Variants in SEC14L4 observed in about 807,000 individuals in gnomAD.
The protein encoded by SEC14L4 is SEC14 like lipid binding 4, also known as SEC14-like protein 4.
A neutral mutation model predicts 55.1 loss-of-function variants in SEC14L4; 42 were observed. The ratio of observed to expected loss-of-function variants is 0.76; its 90% confidence interval spans 0.60 to 0.99. The LOEUF (loss-of-function observed/expected upper bound fraction) is 0.99, where lower values mean the gene tolerates loss of function less well. Among genes scored for constraint, SEC14L4 ranks in the 50% least tolerant of loss-of-function variants. SEC14L4 has a pLI of 0.00. For synonymous variants in SEC14L4, 206 were observed against 206.8 expected (o/e 1.00, Z 0.03); for missense variants, 445 against 512.1 (o/e 0.87, Z 1.27).
rs1936086903 is a variant in SEC14L4 at position 30,494,887 on chromosome 22, T to A, written c.498A>T (p.Pro166=). 6.2e-7 allele frequency: 1 copy of A among 1,613,470 alleles called. No homozygotes were observed. Among genetic ancestry groups the A allele is most frequent in the African/African-American group, 1.3e-5 (1 of 74,858 alleles). Residue 166 remains proline, a synonymous_variant, in exon 6 of 12, where the codon CCA becomes CCT. Coordinates refer to ENST00000255858, the MANE Select transcript of SEC14L4 (RefSeq NM_174977.4). ...EGLSLKHLWK[P]AVEVYQQFFS... Reference sequence around the variant, plus strand: ...TTACCTGCTGGTAGACCTCCACAGCTGGCTTCCACAGGTGTTTCAGGCTCA... The same window carrying A: ...TTACCTGCTGGTAGACCTCCACAGCAGGCTTCCACAGGTGTTTCAGGCTCA...
chr22:30,494,241 TCTGTTC>T, intron 6 of SEC14L4, 31 bp from the exon 7 acceptor site: 1 of 1,577,122 alleles, frequency 6.3e-7, no homozygotes, highest in South Asian at 1.1e-5. Flanking sequence ...TGGTTGGGGC[TCTGTTC>T]CATCACCTCC....
At chr22:30,493,230 G>C (rs1936026729) in intron 7 of SEC14L4, among the ~76,000 whole-genome samples, 1 of 152,168 alleles carries the variant, frequency 6.6e-6, no homozygotes, top group Non-Finnish European at 1.5e-5. Context: ...ACTCCAGGTT[G>C]TCTGGAATCT....
At chr22:30,497,823 A>G (rs1391998155) in intron 2 of SEC14L4, among the ~76,000 whole-genome samples, 2 of 152,182 alleles carry the variant, frequency 1.3e-5, no homozygotes, top group African/African-American at 4.8e-5. Context: ...ATTCTGTCAA[A>G]GAGAACGTTC....
chr22:30,503,547 G>C, intron 2 of SEC14L4, 130 bp downstream of exon 2: 1 of 521,966 alleles, frequency 1.9e-6, no homozygotes, highest in Non-Finnish European at 3.4e-6. Flanking sequence ...ACAGGTGTGA[G>C]CCACCGGGCC....
rs1044434796 is a variant in SEC14L4, at chr22:30,502,590, G to A, written c.130+1087C>T. 3.3e-5 allele frequency among the ~76,000 whole-genome samples: 5 copies of A among 152,078 alleles called. 1 individual carries two copies. The highest frequency in any genetic ancestry group is 2.1e-4 in the South Asian group (1 of 4,822). ...TTTTGAGATGGGGTTTCACTCTGTC[G>A]CCTAGGCTGGAGTGCAGTGGTACAA... On this transcript the variant is annotated intron_variant, in intron 2 of 11. Coordinates refer to ENST00000255858, the MANE Select transcript of SEC14L4 (RefSeq NM_174977.4).
In SEC14L4 at chr22:30,492,049, C is replaced by T; in HGVS notation, c.771G>A (p.Lys257=). Residue 257 remains lysine, a splice_region_variant and synonymous_variant, in exon 9 of 12, where the codon AAG becomes AAA. Coordinates refer to ENST00000255858, the MANE Select transcript of SEC14L4 (RefSeq NM_174977.4). ...DPDGNPKCLT[K]INYGGEVPKS... is the part of the protein sequence containing the mutation. ...TCCCCATCCTCTGGGCACCCTGTAC[C>T]TTGGTCAGGCACTTGGGGTTGCCAT... 4 of 1,613,788 alleles carry T rather than the reference C, an allele frequency of 2.5e-6. No homozygotes were observed. Among genetic ancestry groups the T allele is most frequent in the Non-Finnish European group, 3.4e-6 (4 of 1,179,804 alleles).
chr22:30,494,733 T>G, intron 6 of SEC14L4, 133 bp downstream of exon 6: 1 of 639,682 alleles, frequency 1.6e-6, no homozygotes, highest in Non-Finnish European at 2.8e-6. Flanking sequence ...GCCAGCATCA[T>G]TGGCTGGTCT....
In SEC14L4 at chr22:30,491,963, C is replaced by T. The variant is rs773754494; in HGVS notation, c.782G>A (p.Gly261Glu). Residue 261 changes from glycine to glutamate, a missense_variant, in exon 10 of 12, where the codon GGG (glycine) becomes GAG (glutamate). Gly to Glu is a moderately conservative substitution (Grantham distance 98). Transcript: ENST00000255858. ...GTAGTAGCTCTTGGGCACCTCACCCCCATAGTTGATCTGTGGGTGAAGGGG... is the reference window on the plus strand; with the variant it reads ...GTAGTAGCTCTTGGGCACCTCACCCTCATAGTTGATCTGTGGGTGAAGGGG... ...NPKCLTKINY[G>E]GEVPKSYYLC... 1.2e-6 allele frequency: 2 copies of T among 1,614,014 alleles called. No homozygotes were observed. The highest frequency in any genetic ancestry group is 3.3e-5 in the Admixed American group (2 of 60,014).
chr22:30,492,087 T>C lies in SEC14L4; in HGVS notation c.733A>G (p.Met245Val), dbSNP rs1373858274. 4.3e-6 allele frequency: 7 copies of C among 1,613,894 alleles called. No individual in the cohort carries two copies. Among genetic ancestry groups the C allele is most frequent in the Non-Finnish European group, 5.1e-6 (6 of 1,179,856 alleles). ...TTGGGGTTGCCATCGGGGTCAGTCA[T>C]GGTCCCCCCAAACTCCACAGGCAGC... Reference protein sequence around the residue: ...DQLPVEFGGTMTDPDGNPKCL... With the variant: ...DQLPVEFGGTVTDPDGNPKCL... The change falls in exon 9 of 12, where the codon ATG (methionine) becomes GTG (valine). Residue 245 changes from methionine to valine, a missense_variant. Met to Val is a conservative substitution (Grantham distance 21). Coordinates refer to ENST00000255858, the MANE Select transcript of SEC14L4 (RefSeq NM_174977.4).
Position 30,489,816 on chromosome 22 carries a change from C to A in SEC14L4, c.*291G>T. On this transcript the variant is annotated 3_prime_UTR_variant, in exon 12 of 12. Coordinates refer to ENST00000255858, the MANE Select transcript of SEC14L4 (RefSeq NM_174977.4). The stretch of plus-strand genomic sequence containing the variant: ...AAGATGGGTGAAAGGGCAGCTTCTG[C>A]AAGCAGGACCCATCCTCAGTGGACT... 2 of 1,522,556 alleles carry A rather than the reference C, an allele frequency of 1.3e-6. No individual in the cohort carries two copies. The highest frequency in any genetic ancestry group is 1.8e-6 in the Non-Finnish European group (2 of 1,120,422). The allele number at this position is 1,522,556 out of a possible 1,614,324, so 94.3% of individuals were successfully genotyped here.
intron 1 of SEC14L4, among the ~76,000 whole-genome samples, chr22:30,504,552 G>A (rs951932321): frequency 3.9e-5 from 6 of 152,190 alleles, no homozygotes; most frequent in East Asian, 1.9e-4. Context: ...GTCTGTGCAC[G>A]TAAAACACTT....
At chr22:30,501,878 T>TAC (rs1555877965) in intron 2 of SEC14L4, among the ~76,000 whole-genome samples, 2 of 139,676 alleles carry the variant, frequency 1.4e-5, no homozygotes, top group African/African-American at 2.6e-5. Context: ...TATATATACA[T>TAC]ACACATACTT....
chr22:30,490,215 C>A lies in SEC14L4; in HGVS notation c.1113G>T (p.Arg371=), dbSNP rs895516439. The A allele has an allele frequency of 3.7e-6, 6 of 1,613,932 alleles. No homozygotes were observed. In the East Asian group the frequency reaches 6.7e-5, roughly 18 times the overall value. ...TGTAGCTGAGCTTCTTGGCATGCAT[C>A]CGGCTGTAGGTGTTGTCGAAGCGCA... is the stretch of plus-strand genomic sequence containing the variant. ...YVLRFDNTYS[R]MHAKKLSYTV... is the part of the protein sequence containing the mutation. Residue 371 remains arginine, a synonymous_variant, in exon 12 of 12, where the codon CGG becomes CGT. Transcript: ENST00000255858.
intron 2 of SEC14L4, among the ~76,000 whole-genome samples, chr22:30,498,272 A>C (rs1326437298): frequency 1.3e-5 from 2 of 151,480 alleles, no homozygotes; most frequent in Non-Finnish European, 2.9e-5. Context: ...ACAGGCATGC[A>C]CCGCCATGCC....
intron 2 of SEC14L4, among the ~76,000 whole-genome samples, chr22:30,500,912 G>C (rs1936300011): frequency 6.6e-6 from 1 of 151,198 alleles, no homozygotes; most frequent in African/African-American, 2.4e-5. Flanking sequence ...AAAAACAGAG[G>C]GGGTCAGGCA....
At position 30,495,446 on chromosome 22, in the gene SEC14L4, G is replaced by C. The variant is rs773805590; in HGVS notation, c.235-4C>G. ...CCGAGTCATACAGCTGGATGACCTG[G>C]AAGTGTGGGTAAGGTCCCGACTCAA... is the stretch of plus-strand genomic sequence containing the variant. On this transcript the variant is annotated splice_polypyrimidine_tract_variant and splice_region_variant and intron_variant, in intron 4 of 11. Coordinates refer to ENST00000255858, the MANE Select transcript of SEC14L4 (RefSeq NM_174977.4). The C allele has an allele frequency of 6.2e-7, 1 of 1,613,098 alleles. No individual in the cohort carries two copies. The highest frequency in any genetic ancestry group is 2.2e-5 in the East Asian group (1 of 44,850).
chr22:30,504,097 G>A lies in SEC14L4; in HGVS notation c.55-345C>T, dbSNP rs181747848. 2.5e-3 allele frequency among the ~76,000 whole-genome samples: 379 copies of A among 149,730 alleles called. 1 individual carries two copies. Among genetic ancestry groups the A allele is most frequent in the South Asian group, 1.1e-3 (5 of 4,726 alleles). On this transcript the variant is annotated intron_variant, in intron 1 of 11. Coordinates refer to ENST00000255858, the MANE Select transcript of SEC14L4 (RefSeq NM_174977.4). ...TATTGAAACAGGATCTCACTCTATCGCCCAAGCTGGAGCGTAGTTGCGTGA... is the reference window on the plus strand; with the variant it reads ...TATTGAAACAGGATCTCACTCTATCACCCAAGCTGGAGCGTAGTTGCGTGA...
At chr22:30,499,034 G>A (rs553665004) in intron 2 of SEC14L4, among the ~76,000 whole-genome samples, 88 of 151,852 alleles carry the variant, frequency 5.8e-4, no homozygotes, top group African/African-American at 2.0e-3. Context: ...TCCGCCTCCC[G>A]GGTTCACGCC....
At chr22:30,494,587 G>C (rs922802279) in intron 6 of SEC14L4, among the ~76,000 whole-genome samples, 2 of 152,136 alleles carry the variant, frequency 1.3e-5, no homozygotes, top group African/African-American at 4.8e-5. Context: ...GTGTTGCTCA[G>C]GCTGATCCTG....
Sources: gnomAD v4.1 joint callset for allele counts (sites outside exome capture counted in the v4.1 genomes callset) on GRCh38, gnomAD v4.1.1 for gene constraint, MANE v1.5 for transcripts, NCBI Gene and HGNC (gene_info 2026-07-23, HGNC 2026-07-21) for gene names.